The following LRFN5 variants were observed in gnomAD, a reference collection of about 807,000 sequenced individuals.
The protein encoded by LRFN5 is leucine-rich repeat and fibronectin type-III domain-containing protein 5.
A neutral mutation model predicts 45.6 loss-of-function variants in LRFN5; 24 were observed. That is an observed-to-expected ratio of 0.53 (90% CI 0.38 to 0.74). The LOEUF is 0.74. Among genes scored for constraint, LRFN5 ranks in the 30% least tolerant of loss-of-function variants. The pLI is 0.00. For missense variants in LRFN5, 776 were observed against 861.5 expected, an observed-to-expected ratio of 0.90 and a Z score of 1.24; for synonymous variants, 340 against 313.8, an observed-to-expected ratio of 1.08 and a Z score of -0.88.
chr14:41,849,881 A>G (rs544157973), intron 2 of LRFN5, among the ~76,000 whole-genome samples: 2 of 152,110 alleles, frequency 1.3e-5, no homozygotes, highest in South Asian at 4.1e-4. Context: ...GATTTTTTAT[A>G]GTGATTAGTC....
intron 1 of LRFN5, among the ~76,000 whole-genome samples, chr14:41,615,077 C>A (rs1887886245): frequency 6.6e-6 from 1 of 152,008 alleles, no homozygotes; most frequent in South Asian, 2.1e-4. Flanking sequence ...AATTTATATT[C>A]ATTTTAATCT....
chr14:41,821,203 G>A (rs1466332145), intron 2 of LRFN5, among the ~76,000 whole-genome samples: 2 of 151,966 alleles, frequency 1.3e-5, no homozygotes, highest in Non-Finnish European at 2.9e-5. Flanking sequence ...TAGAGGGAAA[G>A]CTTTCAACTT....
At chr14:41,696,552 A>ATCTGTTGATTGTGATATCAACACAG (rs1882620209) in intron 1 of LRFN5, among the ~76,000 whole-genome samples, 1 of 151,756 alleles carries the variant, frequency 6.6e-6, no homozygotes, top group African/African-American at 2.4e-5. Context: ...AGACATCACA[A>ATCTGTTGATTGTGATATCAACACAG]TCTGTTGATA....
intron 1 of LRFN5, among the ~76,000 whole-genome samples, chr14:41,685,688 G>A (rs1594615048): frequency 6.6e-6 from 1 of 152,092 alleles, no homozygotes; most frequent in Admixed American, 6.6e-5. Context: ...CATATGGCTA[G>A]CCAGTTTTTC....
At chr14:41,828,311 A>G (rs985805127) in intron 2 of LRFN5, among the ~76,000 whole-genome samples, 1 of 152,030 alleles carries the variant, frequency 6.6e-6, no homozygotes, top group African/African-American at 2.4e-5. Flanking sequence ...TAATATTCAC[A>G]GATCAAGATT....
intron 3 of LRFN5, among the ~76,000 whole-genome samples, chr14:41,889,895 G>A (rs906051647): frequency 6.6e-6 from 1 of 152,078 alleles, no homozygotes; most frequent in African/African-American, 2.4e-5. Flanking sequence ...ATAAGGTCTT[G>A]CTGTGTCTCC....
intron 2 of LRFN5, among the ~76,000 whole-genome samples, chr14:41,840,069 C>T (rs906135489): frequency 4.6e-5 from 7 of 152,066 alleles, no homozygotes; most frequent in Non-Finnish European, 7.4e-5. Context: ...TGTGCAATAA[C>T]TGTGGAAGGC....
At chr14:41,903,390 T>C (rs925805513) in intron 5 of LRFN5, among the ~76,000 whole-genome samples, 2 of 151,352 alleles carry the variant, frequency 1.3e-5, no homozygotes, top group African/African-American at 4.8e-5. Flanking sequence ...TGTTTTTTAA[T>C]GGAAAAGAGA....
intron 2 of LRFN5, among the ~76,000 whole-genome samples, chr14:41,829,866 C>T (rs1048249731): frequency 6.0e-5 from 9 of 150,570 alleles, no homozygotes; most frequent in Non-Finnish European, 1.2e-4. Context: ...TTCTTTGTCT[C>T]TTTTTAAAAT....
intron 1 of LRFN5, among the ~76,000 whole-genome samples, chr14:41,638,235 A>G (rs1879395359): frequency 6.6e-6 from 1 of 151,918 alleles, no homozygotes; most frequent in African/African-American, 2.4e-5. Context: ...ATGTCAATAT[A>G]TTTTCATGTC....
intron 1 of LRFN5, among the ~76,000 whole-genome samples, chr14:41,653,396 C>T (rs914537791): frequency 1.3e-5 from 2 of 152,082 alleles, no homozygotes; most frequent in Non-Finnish European, 2.9e-5. Context: ...CCAGTTCTCC[C>T]AGCACCATTT....
chr14:41,772,941 C>T (rs142216508), intron 2 of LRFN5, among the ~76,000 whole-genome samples: 105 of 152,252 alleles, frequency 6.9e-4, no homozygotes, highest in African/African-American at 1.9e-3. Context: ...TGATTTCTCC[C>T]GTAGACTACC....
rs180917018 is a variant in LRFN5, at chr14:41,834,712, A to C, written c.-20-51894A>C. Among the ~76,000 whole-genome samples the C allele has an allele frequency of 4.0e-4, 60 of 151,752 alleles. No homozygotes were observed. In the East Asian group the frequency reaches 8.1e-3, roughly 21 times the overall value. The stretch of plus-strand genomic sequence containing the variant: ...GTTCTCACTCTGTTGCCCAGGCTGG[A>C]GTGCAGTGGCACAATCAAGGCTTAC... On this transcript the variant is annotated intron_variant, in intron 2 of 5. Coordinates refer to ENST00000298119, the MANE Select transcript of LRFN5 (RefSeq NM_152447.5).
intron 1 of LRFN5, among the ~76,000 whole-genome samples, chr14:41,734,316 T>TTATATATATATATG (rs1555358692): frequency 2.8e-4 from 11 of 38,764 alleles, no homozygotes; most frequent in Non-Finnish European, 6.2e-4. Flanking sequence ...TGGACTGGTT[T>TTATATATATATATG]TATATATATA....
intron 2 of LRFN5, among the ~76,000 whole-genome samples, chr14:41,873,554 T>G (rs1594484242): frequency 6.6e-6 from 1 of 152,216 alleles, no homozygotes; most frequent in Admixed American, 6.5e-5. Flanking sequence ...ACACACATTC[T>G]TGGTATTTAT....
chr14:41,845,017 C>T (rs568086130), intron 2 of LRFN5, among the ~76,000 whole-genome samples: 2 of 151,924 alleles, frequency 1.3e-5, no homozygotes, highest in Non-Finnish European at 2.9e-5. Flanking sequence ...GAAACATGAT[C>T]GTATTTTAAT....
intron 1 of LRFN5, among the ~76,000 whole-genome samples, chr14:41,669,061 GAAGTT>G (rs760792686): frequency 2.0e-5 from 3 of 152,056 alleles, no homozygotes; most frequent in Non-Finnish European, 4.4e-5. Context: ...TTTTGTTCAT[GAAGTT>G]AAGTGACTAA....
At chr14:41,626,006 G>A (rs1470113376) in intron 1 of LRFN5, among the ~76,000 whole-genome samples, 3 of 152,098 alleles carry the variant, frequency 2.0e-5, no homozygotes, top group African/African-American at 7.2e-5. Context: ...ATGCACATTT[G>A]TGAATTTACA....
chr14:41,712,872 G>A (rs1343868747), intron 1 of LRFN5, among the ~76,000 whole-genome samples: 2 of 151,686 alleles, frequency 1.3e-5, no homozygotes, highest in African/African-American at 4.8e-5. Context: ...ATTTAATCTG[G>A]TACAATGTAT....
Sources: gnomAD v4.1 joint callset for allele counts (sites outside exome capture counted in the v4.1 genomes callset) on GRCh38, gnomAD v4.1.1 for gene constraint, MANE v1.5 for transcripts, NCBI Gene and HGNC (gene_info 2026-07-23, HGNC 2026-07-21) for gene names.